Variants in CRCP observed in about 807,000 individuals in gnomAD.
CRCP encodes the protein DNA-directed RNA polymerase III subunit RPC9.
In CRCP, 18 loss-of-function variants were observed where a neutral mutation model predicts 18.5. That is an observed-to-expected ratio of 0.97 (90% CI 0.67 to 1.44). The LOEUF (loss-of-function observed/expected upper bound fraction) is 1.44, where lower values mean the gene tolerates loss of function less well. Among genes scored for constraint, CRCP ranks in the 40% most tolerant of loss-of-function variants. CRCP has a pLI of 0.00. For synonymous variants in CRCP, 53 were observed against 62.9 expected, an observed-to-expected ratio of 0.84 and a Z score of 0.75; for missense variants, 130 against 176.4, an observed-to-expected ratio of 0.74 and a Z score of 1.49.
At chr7:66,135,014 T>C (rs1257729956) in intron 4 of CRCP, among the ~76,000 whole-genome samples, 2 of 152,172 alleles carry the variant, frequency 1.3e-5, no homozygotes, top group African/African-American at 4.8e-5. Context: ...AAGCCATAAA[T>C]GATGCAACCT....
At chr7:66,151,673 CTGTGTG>C (rs1223890806) in intron 5 of CRCP, among the ~76,000 whole-genome samples, 7,394 of 138,350 alleles carry the variant, frequency 0.053, 271 homozygotes, top group East Asian at 0.21. Flanking sequence ...CCACTTCTCT[CTGTGTG>C]TGTGTGTGTG....
chr7:66,121,622 ATATT>A (rs1787445197), intron 1 of CRCP, among the ~76,000 whole-genome samples: 2 of 152,192 alleles, frequency 1.3e-5, no homozygotes, highest in South Asian at 4.1e-4. Context: ...ACCATGCAAA[ATATT>A]TATATAGCAA....
At chr7:66,127,651 ACCCAGAAAGGGGTGTGAG>A in intron 1 of CRCP, 35 bp from the exon 2 acceptor site, 1 of 1,598,004 alleles carries the variant, frequency 6.3e-7, no homozygotes, top group Non-Finnish European at 8.6e-7. Context: ...AGAATTTGAT[ACCCAGAAAGGGGTGTGAG>A]CCCAGACTGA....
intron 4 of CRCP, among the ~76,000 whole-genome samples, chr7:66,136,938 G>A (rs1194793009): frequency 6.6e-6 from 1 of 151,688 alleles, no homozygotes; most frequent in African/African-American, 2.4e-5. Flanking sequence ...AATTAGCCGG[G>A]TGTGGTGACG....
chr7:66,145,281 A>G (rs1788259816), intron 4 of CRCP, among the ~76,000 whole-genome samples, 162 bp from the exon 5 acceptor site: 1 of 152,114 alleles, frequency 6.6e-6, no homozygotes, highest in African/African-American at 2.4e-5. Context: ...ACTCACATAC[A>G]CGCTCCTGTT....
intron 4 of CRCP, among the ~76,000 whole-genome samples, chr7:66,141,117 C>T (rs962946704): frequency 6.6e-6 from 1 of 152,182 alleles, no homozygotes; most frequent in Non-Finnish European, 1.5e-5. Flanking sequence ...CTTCAGGCAG[C>T]GTTGTTGTCC....
In CRCP at chr7:66,139,498, G is replaced by A. The variant is rs186321025; in HGVS notation, c.239+5124G>A. Among the ~76,000 whole-genome samples, 208 of 152,226 alleles carry A rather than the reference G, an allele frequency of 1.4e-3. 1 individual carries two copies. The highest frequency in any genetic ancestry group is 4.6e-3 in the African/African-American group (190 of 41,524). On this transcript the variant is annotated intron_variant, in intron 4 of 5. Coordinates refer to ENST00000395326, the MANE Select transcript of CRCP (RefSeq NM_014478.5). ...TTATCTTTTCCCTGGAGAATGAGTC[G>A]TATTTTCGTGGTCGAGGTAATTGTA...
intron 5 of CRCP, among the ~76,000 whole-genome samples, chr7:66,149,885 C>T (rs1195918229): frequency 6.6e-6 from 1 of 152,088 alleles, no homozygotes; most frequent in African/African-American, 2.4e-5. Context: ...TGGCTTACTA[C>T]AACCTCTGCC....
rs753633027 is a variant in CRCP at position 66,130,697 on chromosome 7, T to C, written c.46-47T>C. ...CAAAACCACTGACCTTGGATAGATA[T>C]ATTTCTCAAATTTATTCATAAACGT... is the stretch of plus-strand genomic sequence containing the variant. On this transcript the variant is annotated intron_variant, in intron 2 of 5. Coordinates refer to ENST00000395326, the MANE Select transcript of CRCP (RefSeq NM_014478.5). The C allele has an allele frequency of 2.1e-5, 24 of 1,147,130 alleles. No homozygotes were observed. The South Asian group carries it at 2.8e-4, about 13-fold the overall frequency. The allele number at this position is 1,147,130 out of a possible 1,614,324, so 71.1% of individuals were successfully genotyped here. A position where few individuals can be genotyped will look rare whatever the true frequency, so the allele number is the denominator to read the frequency against.
intron 1 of CRCP, among the ~76,000 whole-genome samples, chr7:66,121,484 G>C (rs1371123969): frequency 1.3e-5 from 2 of 149,618 alleles, no homozygotes; most frequent in East Asian, 3.9e-4. Context: ...TTTTGAGATG[G>C]AGTCTCACTC....
At position 66,119,223 on chromosome 7, in the gene CRCP, C is replaced by T. The variant is rs545151843; in HGVS notation, c.8+4253C>T. ...TCTCTCTAATGAAATCTCTACAAAACGCCCAAGAGAACTTCTGGATAGTCT... is the reference window on the plus strand; with the variant it reads ...TCTCTCTAATGAAATCTCTACAAAATGCCCAAGAGAACTTCTGGATAGTCT... On this transcript the variant is annotated intron_variant, in intron 1 of 5. Coordinates refer to ENST00000395326, the MANE Select transcript of CRCP (RefSeq NM_014478.5). 4.5e-4 allele frequency among the ~76,000 whole-genome samples: 68 copies of T among 152,306 alleles called. 1 individual carries two copies. Among genetic ancestry groups the T allele is most frequent in the Non-Finnish European group, 8.8e-4 (60 of 68,030 alleles).
chr7:66,134,805 G>C (rs534559307), intron 4 of CRCP, among the ~76,000 whole-genome samples: 1 of 152,106 alleles, frequency 6.6e-6, no homozygotes, highest in Admixed American at 6.6e-5. Flanking sequence ...TAACAAGCTT[G>C]GAATCGGGGA....
At chr7:66,116,879 AGGAGGCCGAAGTG>A in intron 1 of CRCP, among the ~76,000 whole-genome samples, 1 of 152,032 alleles carries the variant, frequency 6.6e-6, no homozygotes, top group African/African-American at 2.4e-5. Context: ...GCAGCACTTT[AGGAGGCCGAAGTG>A]GGCGAATCCC....
intron 4 of CRCP, among the ~76,000 whole-genome samples, chr7:66,135,410 A>T (rs1024300605): frequency 1.3e-5 from 2 of 152,254 alleles, no homozygotes; most frequent in South Asian, 4.1e-4. Context: ...GATAATGTAG[A>T]AATGGGGAAA....
At chr7:66,120,708 C>T (rs570257937) in intron 1 of CRCP, 2 of 152,184 alleles carry the variant, frequency 1.3e-5, no homozygotes, top group South Asian at 2.1e-4. Context: ...GCAGTTGGCC[C>T]TCCATATCTG....
At chr7:66,148,732 A>T (rs1019482294) in intron 5 of CRCP, among the ~76,000 whole-genome samples, 19 of 152,340 alleles carry the variant, frequency 1.2e-4, no homozygotes, top group Admixed American at 3.3e-4. Context: ...GTGACCTCAC[A>T]GGCCACTGCC....
In CRCP at chr7:66,115,074, G is replaced by C. The variant is rs986985579; in HGVS notation, c.8+104G>C. The stretch of plus-strand genomic sequence containing the variant: ...TGGGGACTGGGCGACCCTCGTACGG[G>C]AGTGAGGGCAGCGGGCCGGCCCTGT... On this transcript the variant is annotated intron_variant, in intron 1 of 5. Transcript: ENST00000395326. 91 of 1,505,934 alleles carry C rather than the reference G, an allele frequency of 6.0e-5. No individual in the cohort carries two copies. In the African/African-American group the frequency reaches 1.1e-3, roughly 19 times the overall value. The allele number at this position is 1,505,934 out of a possible 1,614,324, so 93.3% of individuals were successfully genotyped here.
intron 2 of CRCP, among the ~76,000 whole-genome samples, chr7:66,129,364 T>A (rs1043526960): frequency 1.3e-4 from 19 of 151,970 alleles, no homozygotes; most frequent in Non-Finnish European, 2.5e-4. Context: ...TAGCTGGACA[T>A]GGTAGCAAAC....
At position 66,114,912 on chromosome 7, in the gene CRCP, A is replaced by G. The variant is rs1203095190; in HGVS notation, c.-51A>G. On this transcript the variant is annotated 5_prime_UTR_variant, in exon 1 of 6. Coordinates refer to ENST00000395326, the MANE Select transcript of CRCP (RefSeq NM_014478.5). ...TTGGTGGCGGCGGAGACAGCTGTGA[A>G]GTGTGAGGTTCTTTGTCTGCTGGCA... 3 of 1,610,542 alleles carry G rather than the reference A, an allele frequency of 1.9e-6. No homozygotes were observed. The highest frequency in any genetic ancestry group is 2.5e-6 in the Non-Finnish European group (3 of 1,177,444).
Sources: allele counts gnomAD v4.1 joint callset (sites outside exome capture counted in the v4.1 genomes callset), GRCh38; gene constraint gnomAD v4.1.1; transcripts MANE v1.5; gene names NCBI Gene and HGNC (gene_info 2026-07-23, HGNC 2026-07-21).